SLC19A3: variants seen among roughly 807,000 people sequenced by gnomAD.
SLC19A3 encodes the protein thiamine transporter 2.
SLC19A3 carries 31 observed loss-of-function variants against 40.2 expected under a neutral mutation model. The ratio of observed to expected loss-of-function variants is 0.77; its 90% CI spans 0.58 to 1.04. SLC19A3 has a LOEUF of 1.04. Among genes scored for constraint, SLC19A3 ranks in the 50% least tolerant of loss-of-function variants. The pLI is 0.00. For missense variants in SLC19A3, 592 were observed against 596.7 expected (o/e 0.99, Z 0.08); for synonymous variants, 212 against 227.5 (o/e 0.93, Z 0.61).
At chr2:227,712,060 A>C (rs977502171) in intron 1 of SLC19A3, among the ~76,000 whole-genome samples, 11 of 147,508 alleles carry the variant, frequency 7.5e-5, no homozygotes, top group Admixed American at 2.0e-4. Context: ...CAAAAAAAAA[A>C]AAAAAAAAAA....
At chr2:227,707,613 A>T (rs1307324125) in intron 1 of SLC19A3, among the ~76,000 whole-genome samples, 1 of 145,266 alleles carries the variant, frequency 6.9e-6, no homozygotes, top group African/African-American at 2.5e-5. Context: ...AAATATAATA[A>T]AAAAAAACAA....
intron 1 of SLC19A3, among the ~76,000 whole-genome samples, chr2:227,712,239 A>G (rs1238057229): frequency 4.6e-5 from 7 of 151,954 alleles, no homozygotes; most frequent in African/African-American, 1.7e-4. Context: ...TGTCTGTACA[A>G]AAAAATACCA....
chr2:227,700,958 C>G lies in SLC19A3; in HGVS notation c.150+1211G>C, dbSNP rs1451650358. 3 of 1,303,756 alleles carry G rather than the reference C, an allele frequency of 2.3e-6. No individual in the cohort carries two copies. In the Admixed American group the frequency reaches 6.9e-5, roughly 30 times the overall value. The allele number at this position is 1,303,756 out of a possible 1,614,324, so 80.8% of individuals were successfully genotyped here. A position where few individuals can be genotyped will look rare whatever the true frequency, so the allele number is the denominator to read the frequency against. ...GGTTGCTGGAGAAAGCAGGAGGCCA[C>G]AGAGCAAAGACCACACAACTGAGCT... On this transcript the variant is annotated intron_variant, in intron 2 of 5. Coordinates refer to ENST00000644224, the MANE Select transcript of SLC19A3 (RefSeq NM_025243.4).
At position 227,703,919 on chromosome 2, in the gene SLC19A3, CTT is replaced by C. The variant is rs1377980092; in HGVS notation, c.-2-1601_-2-1600del. 1.3e-5 allele frequency among the ~76,000 whole-genome samples: 2 copies of C among 152,022 alleles called. No homozygotes were observed. Among genetic ancestry groups the C allele is most frequent in the Admixed American group, 1.3e-4 (2 of 15,224 alleles). On this transcript the variant is annotated intron_variant, in intron 1 of 5. Coordinates refer to ENST00000644224, the MANE Select transcript of SLC19A3 (RefSeq NM_025243.4). The surrounding 1 kb of genome is among the most constrained non-coding windows in gnomAD (Gnocchi z 4.7). ...GCTAAAAGCCTGCTGGATTATCTAT[CTT>C]TTTATTTCTTTAGGTTTCTAATACA...
At chr2:227,692,791 C>A (rs1416330524) in intron 4 of SLC19A3, among the ~76,000 whole-genome samples, 6 of 152,134 alleles carry the variant, frequency 3.9e-5, no homozygotes, top group Non-Finnish European at 1.5e-5. Flanking sequence ...TATGATCTTA[C>A]ATTTAGGAAA....
At chr2:227,688,544 A>C (rs1021588493) in intron 4 of SLC19A3, among the ~76,000 whole-genome samples, 8 of 152,176 alleles carry the variant, frequency 5.3e-5, no homozygotes, top group Admixed American at 5.2e-4. Context: ...AGTAGCTCTA[A>C]GAGTCTGCTA....
chr2:227,688,205 T>C lies in SLC19A3; in HGVS notation c.1275A>G (p.Val425=). The change falls in exon 5 of 6, where the codon GTA becomes GTG. Residue 425 remains valine (V), a synonymous_variant. Coordinates refer to ENST00000644224, the MANE Select transcript of SLC19A3 (RefSeq NM_025243.4). ...GCAAGTTGAGCCCTCTCTGATCTAC[T>C]ACAATCACAGTCATGATGGTCTGAA... is the stretch of plus-strand genomic sequence containing the variant. ...LVIQTIMTVI[V]VDQRGLNLPV... 1 of 1,614,122 alleles carries C rather than the reference T, an allele frequency of 6.2e-7. No individual in the cohort carries two copies. Among genetic ancestry groups the C allele is most frequent in the Non-Finnish European group, 8.5e-7 (1 of 1,179,968 alleles).
intron 1 of SLC19A3, among the ~76,000 whole-genome samples, chr2:227,711,026 T>C (rs1696118478): frequency 6.6e-6 from 1 of 152,214 alleles, no homozygotes; most frequent in Non-Finnish European, 1.5e-5. Context: ...AGCAAAGGGC[T>C]GCAGTCAGCT....
chr2:227,707,829 G>A (rs968530758), intron 1 of SLC19A3, among the ~76,000 whole-genome samples: 3 of 152,216 alleles, frequency 2.0e-5, no homozygotes, highest in Admixed American at 6.5e-5. Context: ...CCAGGTTCAA[G>A]CAATTCTCCT....
At chr2:227,714,562 T>C (rs1696262406) in intron 1 of SLC19A3, 1 of 985,188 alleles carries the variant, frequency 1.0e-6, no homozygotes, top group Non-Finnish European at 1.2e-6. Flanking sequence ...TCCCTTTCCA[T>C]ACCCTGGAGT....
chr2:227,700,343 C>A (rs919463645), intron 2 of SLC19A3, among the ~76,000 whole-genome samples: 116 of 151,186 alleles, frequency 7.7e-4, no homozygotes, highest in African/African-American at 2.8e-3. Context: ...TCGAGACCAG[C>A]CTGGCCAACA....
At chr2:227,689,023 C>T (rs972098646) in intron 4 of SLC19A3, among the ~76,000 whole-genome samples, 4 of 151,890 alleles carry the variant, frequency 2.6e-5, no homozygotes, top group Non-Finnish European at 5.9e-5. Flanking sequence ...CAGAACTGAT[C>T]AAGCAGAAGA....
At chr2:227,701,213 G>T in intron 2 of SLC19A3, 1 of 649,572 alleles carries the variant, frequency 1.5e-6, no homozygotes. Context: ...CATCAGCCTT[G>T]CAGGCGAAGC....
Position 227,714,703 on chromosome 2 carries a change from C to CAA in SLC19A3, c.-3+3238_-3+3239dup, listed in dbSNP as rs769256469. ...AGCCGATGACATTTGAAATCCCATCCAAAAAAAAAAAAAAAAAAAAGCAGA... is the reference window on the plus strand; with the variant it reads ...AGCCGATGACATTTGAAATCCCATCCAAAAAAAAAAAAAAAAAAAAAAGCAGA... On this transcript the variant is annotated intron_variant, in intron 1 of 5. Coordinates refer to ENST00000644224, the MANE Select transcript of SLC19A3 (RefSeq NM_025243.4). 479 of 177,008 alleles carry CAA rather than the reference C, an allele frequency of 2.7e-3. 1 individual carries two copies. Among genetic ancestry groups the CAA allele is most frequent in the Non-Finnish European group, 3.3e-3 (423 of 127,890 alleles). 11.0% of individuals were successfully genotyped at this position (177,008 alleles called of 1,614,324 possible).
intron 4 of SLC19A3, among the ~76,000 whole-genome samples, chr2:227,690,358 A>G (rs980767181): frequency 6.6e-6 from 1 of 152,184 alleles, no homozygotes; most frequent in African/African-American, 2.4e-5. Flanking sequence ...AGAAACTGTA[A>G]GAGACACAGG....
At position 227,687,308 on chromosome 2, in the gene SLC19A3, G is replaced by A. The variant is rs1404000766; in HGVS notation, c.*89C>T. ...AATCCAGATTTGCAAAGCATGTCAA[G>A]TTATGGCAAAACATATGCCACCCAT... On this transcript the variant is annotated 3_prime_UTR_variant, in exon 6 of 6. Transcript: ENST00000644224. 7.3e-7 allele frequency: 1 copy of A among 1,362,020 alleles called. No homozygotes were observed. 84.4% of individuals were successfully genotyped at this position (1,362,020 alleles called of 1,614,324 possible).
At chr2:227,707,655 A>G (rs1695997308) in intron 1 of SLC19A3, among the ~76,000 whole-genome samples, 1 of 138,736 alleles carries the variant, frequency 7.2e-6, no homozygotes, top group Admixed American at 7.5e-5. Flanking sequence ...ATTATTTTTC[A>G]TATTATGAAA....
In SLC19A3 at chr2:227,686,148, G is replaced by T; in HGVS notation, c.*1249C>A. On this transcript the variant is annotated 3_prime_UTR_variant, in exon 6 of 6. Transcript: ENST00000644224. ...GGAGGTGAAGTTTGCAGTGAGCCAA[G>T]ATCACGCCATTGCATTCCAGCCTGG... The T allele has an allele frequency of 2.2e-6, 1 of 448,028 alleles. No individual in the cohort carries two copies. Among genetic ancestry groups the T allele is most frequent in the Non-Finnish European group, 4.5e-6 (1 of 223,054 alleles). The allele number at this position is 448,028 out of a possible 1,614,324, so 27.8% of individuals were successfully genotyped here.
At chr2:227,712,303 T>C (rs985026834) in intron 1 of SLC19A3, among the ~76,000 whole-genome samples, 1 of 151,822 alleles carries the variant, frequency 6.6e-6, no homozygotes, top group African/African-American at 2.4e-5. Flanking sequence ...AGCCACAGAC[T>C]GAAGAGAAAA....
Sources: gnomAD v4.1 joint callset for allele counts (sites outside exome capture counted in the v4.1 genomes callset) on GRCh38, gnomAD v4.1.1 for gene constraint, Gnocchi (gnomAD v3.1) non-coding constraint, MANE v1.5 for transcripts, NCBI Gene and HGNC (gene_info 2026-07-23, HGNC 2026-07-21) for gene names.